Variants in DRC4 observed in about 807,000 individuals in gnomAD.
The protein encoded by DRC4 is dynein regulatory complex subunit 4.
At chr16:90,042,130 T>G in the DRC4 span, among the ~76,000 whole-genome samples, 1 of 152,076 alleles carries the variant, frequency 6.6e-6, no homozygotes, top group Non-Finnish European at 1.5e-5. Flanking sequence ...GAGACGGGGT[T>G]TCGCCACGTT....
the DRC4 span, chr16:90,022,731 A>AGGGGCGGGAGC: frequency 7.1e-7 from 1 of 1,403,386 alleles, no homozygotes; most frequent in East Asian, 3.0e-5. Flanking sequence ...CATGGTGAGC[A>AGGGGCGGGAGC]GGGGCGGGAG....
At chr16:90,032,996 G>C in the DRC4 span, 1 of 1,296,012 alleles carries the variant, frequency 7.7e-7, no homozygotes, top group East Asian at 2.5e-5. Context: ...ATGAACTCCT[G>C]TTTATTCAAC....
At chr16:90,041,142 G>A in the DRC4 span, among the ~76,000 whole-genome samples, 141 of 152,368 alleles carry the variant, frequency 9.3e-4, 1 homozygote, top group African/African-American at 3.3e-3. Context: ...CTAAGCCACC[G>A]AAATGAGGGT....
At chr16:90,026,766 T>G in the DRC4 span, among the ~76,000 whole-genome samples, 1 of 151,228 alleles carries the variant, frequency 6.6e-6, no homozygotes, top group Non-Finnish European at 1.5e-5. Flanking sequence ...CACTGCAGCC[T>G]TAAACTTCTA....
chr16:90,019,674 C>A, the DRC4 span: 1 of 532,764 alleles, frequency 1.9e-6, no homozygotes, highest in Non-Finnish European at 3.3e-6. The surrounding 1 kb of genome is among the most constrained non-coding windows in gnomAD (Gnocchi z 6.1). Context: ...ACCACCGGGA[C>A]CTGGCTGCGC....
the DRC4 span, chr16:90,039,738 T>C: frequency 1.2e-5 from 2 of 165,262 alleles, no homozygotes; most frequent in Non-Finnish European, 2.7e-5. Context: ...TTTTTTAGAA[T>C]GCACAATTAA....
chr16:90,023,684 TGAAA>T, the DRC4 span, among the ~76,000 whole-genome samples: 1 of 143,842 alleles, frequency 7.0e-6, no homozygotes, highest in African/African-American at 2.5e-5. Flanking sequence ...AAACCGACTA[TGAAA>T]GAAACTACCA....
the DRC4 span, chr16:90,042,446 C>T: frequency 1.9e-6 from 3 of 1,611,602 alleles, no homozygotes; most frequent in Admixed American, 1.7e-5. Flanking sequence ...GAGTCTCAAA[C>T]TCCCATCACC....
At chr16:90,043,376 A>T in the DRC4 span, 1 of 1,593,182 alleles carries the variant, frequency 6.3e-7, no homozygotes, top group Non-Finnish European at 8.5e-7. Flanking sequence ...AGCCCAGAGA[A>T]CCAGCCTAGG....
chr16:90,040,540 G>A, the DRC4 span: 1 of 1,544,252 alleles, frequency 6.5e-7, no homozygotes. Flanking sequence ...TGACCCCAGT[G>A]GGCGGCCTCA....
At chr16:90,033,468 G>C in the DRC4 span, among the ~76,000 whole-genome samples, 2 of 152,184 alleles carry the variant, frequency 1.3e-5, no homozygotes, top group African/African-American at 4.8e-5. Flanking sequence ...TTTGAGACTA[G>C]CTTGGGTGAA....
chr16:90,043,779 C>A, the DRC4 span: 3 of 471,920 alleles, frequency 6.4e-6, no homozygotes, highest in African/African-American at 6.0e-5. Flanking sequence ...TGGGATTCTC[C>A]AGGGGGCCGG....
At chr16:90,030,731 C>T in the DRC4 span, among the ~76,000 whole-genome samples, 1 of 152,104 alleles carries the variant, frequency 6.6e-6, no homozygotes, top group Non-Finnish European at 1.5e-5. Flanking sequence ...ACCCTCCCAC[C>T]TCAGCTCTCC....
At chr16:90,043,202 A>G in the DRC4 span, 1 of 1,611,554 alleles carries the variant, frequency 6.2e-7, no homozygotes, top group Non-Finnish European at 8.5e-7. Flanking sequence ...ACAGGCCCAT[A>G]ACGACCTGCT....
chr16:90,024,252 G>A, the DRC4 span, among the ~76,000 whole-genome samples: 1 of 152,142 alleles, frequency 6.6e-6, no homozygotes, highest in Non-Finnish European at 1.5e-5. Context: ...TAGAGGTTGT[G>A]TAGTGGGATT....
chr16:90,043,824 G>C, the DRC4 span: 5 of 468,264 alleles, frequency 1.1e-5, no homozygotes, highest in Admixed American at 9.4e-5. Flanking sequence ...AATGCTCCCT[G>C]ATGAGCACAA....
the DRC4 span, chr16:90,035,794 A>T: frequency 6.2e-7 from 1 of 1,609,842 alleles, no homozygotes; most frequent in South Asian, 1.1e-5. Context: ...AACTGGATTA[A>T]AACAGCCAAG....
the DRC4 span, among the ~76,000 whole-genome samples, chr16:90,036,041 T>G: frequency 1.3e-5 from 2 of 152,252 alleles, no homozygotes; most frequent in African/African-American, 2.4e-5. Flanking sequence ...AGTCTCTGTG[T>G]TTTACTAATA....
the DRC4 span, chr16:90,043,123 T>C: frequency 2.0e-6 from 3 of 1,489,332 alleles, no homozygotes; most frequent in Non-Finnish European, 2.7e-6. Context: ...TGCCCCTCCA[T>C]GGAGCTGCAC....
Sources: gnomAD v4.1 joint callset for allele counts (sites outside exome capture counted in the v4.1 genomes callset) on GRCh38, gnomAD v4.1.1 for gene constraint, Gnocchi (gnomAD v3.1) non-coding constraint, MANE v1.5 for transcripts, NCBI Gene and HGNC (gene_info 2026-07-23, HGNC 2026-07-21) for gene names.